ZHX3: variants seen among roughly 807,000 people sequenced by gnomAD.
The protein encoded by ZHX3 is zinc fingers and homeoboxes 3, also known as zinc fingers and homeoboxes protein 3.
In ZHX3, 20 loss-of-function variants were observed where a neutral mutation model predicts 64.5. The ratio of observed to expected loss-of-function variants is 0.31; its 90% CI spans 0.22 to 0.45. The LOEUF is 0.45. Ranked by LOEUF, ZHX3 falls within the 20% of genes least tolerant of loss-of-function variation. The pLI is 1.00. For synonymous variants in ZHX3, 423 were observed against 461.6 expected, an observed-to-expected ratio of 0.92 and a Z score of 1.07; for missense variants, 1,041 against 1,195.8, an observed-to-expected ratio of 0.87 and a Z score of 1.91.
At chr20:41,237,269 ACC>A (rs1231524980) in intron 2 of ZHX3, among the ~76,000 whole-genome samples, 1 of 152,238 alleles carries the variant, frequency 6.6e-6, no homozygotes, top group Non-Finnish European at 1.5e-5. Flanking sequence ...CTGGGTATAT[ACC>A]CAAAGGATTA....
At position 41,181,039 on chromosome 20, in the gene ZHX3, T is replaced by G. The variant is rs2036232764; in HGVS notation, c.*4152A>C. ...TTCTGAGATCAAGTGCTCCCCAAAC[T>G]ACATGGGAGTAGCCCCCCGTGGTCT... On this transcript the variant is annotated 3_prime_UTR_variant, in exon 4 of 4. Coordinates refer to ENST00000683867, the MANE Select transcript of ZHX3 (RefSeq NM_001384317.1). The G allele has an allele frequency of 1.3e-5, 2 of 152,250 alleles. No homozygotes were observed. Among genetic ancestry groups the G allele is most frequent in the African/African-American group, 4.8e-5 (2 of 41,434 alleles). The allele number at this position is 152,250 out of a possible 1,614,324, so 9.4% of individuals were successfully genotyped here.
At chr20:41,199,942 C>G (rs1419904871) in intron 3 of ZHX3, among the ~76,000 whole-genome samples, 1 of 152,066 alleles carries the variant, frequency 6.6e-6, no homozygotes, top group East Asian at 1.9e-4. Context: ...CTCAAGTGAT[C>G]CACACCTCAG....
intron 2 of ZHX3, among the ~76,000 whole-genome samples, chr20:41,249,180 C>T (rs1277968170): frequency 6.6e-6 from 1 of 151,788 alleles, no homozygotes; most frequent in Non-Finnish European, 1.5e-5. Flanking sequence ...ACTTTCTTCA[C>T]ACTAATATAA....
chr20:41,298,749 T>C (rs1031975027), intron 1 of ZHX3, among the ~76,000 whole-genome samples: 1 of 152,108 alleles, frequency 6.6e-6, no homozygotes, highest in Admixed American at 6.5e-5. Flanking sequence ...ATATGCAGAC[T>C]AAGGAGGAAG....
intron 2 of ZHX3, among the ~76,000 whole-genome samples, chr20:41,249,535 G>A (rs1379862651): frequency 1.3e-5 from 2 of 152,136 alleles, no homozygotes; most frequent in South Asian, 2.1e-4. Flanking sequence ...TGCACTGGGC[G>A]GCCAACCAGG....
At chr20:41,197,999 C>CTTTTTTT (rs11478855) in intron 3 of ZHX3, among the ~76,000 whole-genome samples, 18 of 110,384 alleles carry the variant, frequency 1.6e-4, no homozygotes, top group South Asian at 2.9e-4. Context: ...AACTAGTGCT[C>CTTTTTTT]TTTTTTTTTT....
chr20:41,202,015 C>T lies in ZHX3; in HGVS notation c.2860+42G>A, dbSNP rs371871259. 14 of 1,528,976 alleles carry T rather than the reference C, an allele frequency of 9.2e-6. No homozygotes were observed. Among genetic ancestry groups the T allele is most frequent in the African/African-American group, 6.9e-5 (5 of 72,314 alleles). 94.7% of individuals were successfully genotyped at this position (1,528,976 alleles called of 1,614,324 possible). On this transcript the variant is annotated intron_variant, in intron 3 of 3. Coordinates refer to ENST00000683867, the MANE Select transcript of ZHX3 (RefSeq NM_001384317.1). The surrounding 1 kb of genome is among the most constrained non-coding windows in gnomAD (Gnocchi z 7.0). ...TGCCCAACCATAAGTGCCTCCTCCC[C>T]TTACCCACACAGGATAGCCATGGCC...
At chr20:41,250,725 A>G (rs1490889330) in intron 2 of ZHX3, among the ~76,000 whole-genome samples, 1 of 152,276 alleles carries the variant, frequency 6.6e-6, no homozygotes, top group Non-Finnish European at 1.5e-5. Context: ...ACTCAAAGAA[A>G]TCCACACTAA....
intron 2 of ZHX3, among the ~76,000 whole-genome samples, chr20:41,210,545 T>C (rs1048781996): frequency 6.6e-6 from 1 of 152,142 alleles, no homozygotes; most frequent in African/African-American, 2.4e-5. Context: ...ATGTCCTTTG[T>C]AGGGACATGG....
chr20:41,204,647 G>C lies in ZHX3; in HGVS notation c.270C>G (p.Thr90=). The change falls in exon 3 of 4, where the codon ACC becomes ACG. Residue 90 remains threonine, a synonymous_variant. Coordinates refer to ENST00000683867, the MANE Select transcript of ZHX3 (RefSeq NM_001384317.1). The surrounding 1 kb of genome is among the most constrained non-coding windows in gnomAD (Gnocchi z 6.6). ...KYCDFRSHDM[T]QFVGHMNSEH... Reference sequence around the variant, plus strand: ...CTGAGTTCATATGTCCCACAAATTGGGTCATGTCATGGGATCTGAAATCGC... The same window carrying C: ...CTGAGTTCATATGTCCCACAAATTGCGTCATGTCATGGGATCTGAAATCGC... The C allele has an allele frequency of 6.2e-7, 1 of 1,614,182 alleles. No individual in the cohort carries two copies. The highest frequency in any genetic ancestry group is 1.3e-5 in the African/African-American group (1 of 75,034).
At chr20:41,259,295 A>G (rs2042435707) in intron 2 of ZHX3, among the ~76,000 whole-genome samples, 1 of 152,250 alleles carries the variant, frequency 6.6e-6, no homozygotes, top group South Asian at 2.1e-4. Flanking sequence ...TATTGTACAC[A>G]CGACATTTTG....
chr20:41,186,153 C>A (rs937458281), intron 3 of ZHX3, among the ~76,000 whole-genome samples: 1 of 152,200 alleles, frequency 6.6e-6, no homozygotes, highest in Non-Finnish European at 1.5e-5. Flanking sequence ...AACAACAACT[C>A]CCCATGTCCT....
chr20:41,264,218 C>T (rs1416837364), intron 2 of ZHX3, among the ~76,000 whole-genome samples: 2 of 150,994 alleles, frequency 1.3e-5, no homozygotes, highest in South Asian at 4.2e-4. Context: ...TGACCAGCCT[C>T]GGCAACATGG....
At chr20:41,267,449 C>T (rs980824400) in intron 2 of ZHX3, 1 of 152,188 alleles carries the variant, frequency 6.6e-6, no homozygotes. Context: ...TTCATTCACC[C>T]AACAAATACT....
At chr20:41,186,698 G>A (rs1437148871) in intron 3 of ZHX3, among the ~76,000 whole-genome samples, 1 of 148,308 alleles carries the variant, frequency 6.7e-6, no homozygotes, top group African/African-American at 2.5e-5. Flanking sequence ...TAAGTGTGAA[G>A]TGGTATCACG....
At position 41,203,509 on chromosome 20, in the gene ZHX3, C is replaced by G; in HGVS notation, c.1408G>C (p.Val470Leu). The G allele has an allele frequency of 5.0e-6, 8 of 1,614,222 alleles. No homozygotes were observed. The highest frequency in any genetic ancestry group is 6.8e-6 in the Non-Finnish European group (8 of 1,180,024). ...NTVCSNTTSA[V>L]KVVNAAQSLL... Reference sequence around the variant, plus strand: ...GACTGGGCCGCATTGACCACCTTCACAGCTGACGTTGTATTTGAACACACA... The same window carrying G: ...GACTGGGCCGCATTGACCACCTTCAGAGCTGACGTTGTATTTGAACACACA... The change falls in exon 3 of 4, where the codon GTG becomes CTG. Residue 470 changes from valine to leucine, a missense_variant. Val to Leu is a conservative substitution (Grantham distance 32). Transcript: ENST00000683867. The surrounding 1 kb of genome is among the most constrained non-coding windows in gnomAD (Gnocchi z 7.1).
chr20:41,292,741 C>T (rs994123905), intron 1 of ZHX3, among the ~76,000 whole-genome samples: 11 of 152,244 alleles, frequency 7.2e-5, no homozygotes, highest in African/African-American at 2.4e-4. Flanking sequence ...ATCAGTAACA[C>T]TGTACTTTCT....
rs988171035 is a variant in ZHX3 at position 41,212,280 on chromosome 20, A to G, written c.-150-7214T>C. Among the ~76,000 whole-genome samples, 1 of 152,188 alleles carries G rather than the reference A, an allele frequency of 6.6e-6. No individual in the cohort carries two copies. Among genetic ancestry groups the G allele is most frequent in the Non-Finnish European group, 1.5e-5 (1 of 68,026 alleles). ...AAATGGCCAGTAAAGCACATAAAAA[A>G]CTGCTCAACATCATTAGTTATTAGG... On this transcript the variant is annotated intron_variant, in intron 2 of 3. Transcript: ENST00000683867. The surrounding 1 kb of genome is among the most constrained non-coding windows in gnomAD (Gnocchi z 4.3).
At chr20:41,293,659 G>A (rs781574165) in intron 1 of ZHX3, among the ~76,000 whole-genome samples, 2 of 152,228 alleles carry the variant, frequency 1.3e-5, no homozygotes, top group Admixed American at 1.3e-4. Flanking sequence ...ACAGTGAACT[G>A]TGGTCACACA....
Sources: gnomAD v4.1 joint callset for allele counts (sites outside exome capture counted in the v4.1 genomes callset) on GRCh38, gnomAD v4.1.1 for gene constraint, Gnocchi (gnomAD v3.1) non-coding constraint, MANE v1.5 for transcripts, NCBI Gene and HGNC (gene_info 2026-07-23, HGNC 2026-07-21) for gene names.